CTNNA2: variants seen among roughly 807,000 people sequenced by gnomAD.
The protein encoded by CTNNA2 is catenin alpha-2.
CTNNA2 carries 42 observed loss-of-function variants against 101.0 expected under a neutral mutation model. The ratio of observed to expected loss-of-function variants is 0.42; its 90% confidence interval spans 0.32 to 0.54. CTNNA2 has a LOEUF of 0.54. CTNNA2 is among the 20% of genes least tolerant of loss of function. The pLI, the probability that CTNNA2 is intolerant of heterozygous loss-of-function variation, is 0.14. For synonymous variants in CTNNA2, 450 were observed against 456.4 expected, an observed-to-expected ratio of 0.99 and a Z score of 0.18; for missense variants, 871 against 1,223.1, an observed-to-expected ratio of 0.71 and a Z score of 4.29.
At chr2:80,288,283 A>G (rs1168185690) in intron 7 of CTNNA2, 2 of 152,222 alleles carry the variant, frequency 1.3e-5, no homozygotes, top group Non-Finnish European at 2.9e-5. Context: ...AGTAAATTTT[A>G]TGTCAAGATT....
At chr2:79,413,612 AT>A (rs1004788430) in intron 4 of CTNNA2, among the ~76,000 whole-genome samples, 1 of 151,964 alleles carries the variant, frequency 6.6e-6, no homozygotes, top group Non-Finnish European at 1.5e-5. Context: ...TAGTAGTTCT[AT>A]TTTTAATTTT....
At chr2:80,340,784 G>A (rs1573771330) in intron 7 of CTNNA2, among the ~76,000 whole-genome samples, 2 of 152,292 alleles carry the variant, frequency 1.3e-5, no homozygotes, top group Admixed American at 1.3e-4. Flanking sequence ...TCTACCTGGA[G>A]CTAGCATCAG....
intron 7 of CTNNA2, among the ~76,000 whole-genome samples, chr2:80,003,669 G>A (rs977497880): frequency 1.3e-4 from 20 of 152,186 alleles, no homozygotes; most frequent in Admixed American, 3.3e-4. Context: ...GCAAGGCCCA[G>A]TAAAAGGAGC....
At position 79,803,858 on chromosome 2, in the gene CTNNA2, C is replaced by A. The variant is rs115207086; in HGVS notation, c.299-54155C>A. Among the ~76,000 whole-genome samples the A allele has an allele frequency of 3.5e-3, 537 of 152,266 alleles. 1 individual carries two copies. The highest frequency in any genetic ancestry group is 0.012 in the African/African-American group (513 of 41,550). ...ACAACTTCAGATGCAAAAGAAAACA[C>A]TCTAGTAGGCTAAGTTAAAGAACCA... On this transcript the variant is annotated intron_variant, in intron 3 of 18. Transcript: ENST00000402739.
chr2:80,384,361 T>C (rs1384755635), intron 7 of CTNNA2, among the ~76,000 whole-genome samples: 1 of 151,904 alleles, frequency 6.6e-6, no homozygotes, highest in Non-Finnish European at 1.5e-5. Context: ...CACAAAATCC[T>C]TGTGACATGA....
chr2:79,194,032 T>A (rs1370306479), intron 1 of CTNNA2, among the ~76,000 whole-genome samples: 1 of 152,242 alleles, frequency 6.6e-6, no homozygotes, highest in Non-Finnish European at 1.5e-5. Flanking sequence ...TGAGTATTGT[T>A]TTATATATCA....
intron 2 of CTNNA2, among the ~76,000 whole-genome samples, chr2:79,298,446 A>G (rs1676032997): frequency 6.6e-6 from 1 of 152,140 alleles, no homozygotes; most frequent in Non-Finnish European, 1.5e-5. Context: ...ACAAGCATCC[A>G]AATTATACAT....
intron 4 of CTNNA2, among the ~76,000 whole-genome samples, chr2:79,424,757 GACA>G (rs1352008759): frequency 6.6e-6 from 1 of 152,086 alleles, no homozygotes; most frequent in Non-Finnish European, 1.5e-5. Flanking sequence ...TCTGATCCAT[GACA>G]ACGAGTGGGT....
At chr2:79,666,879 G>C (rs915113338) in intron 2 of CTNNA2, among the ~76,000 whole-genome samples, 11 of 152,160 alleles carry the variant, frequency 7.2e-5, no homozygotes, top group Non-Finnish European at 1.3e-4. Flanking sequence ...TCTTCTCCTG[G>C]AGACAGAATG....
intron 2 of CTNNA2, among the ~76,000 whole-genome samples, chr2:79,221,131 A>C (rs1674339602): frequency 9.7e-6 from 1 of 103,082 alleles, no homozygotes; most frequent in Non-Finnish European, 2.0e-5. Context: ...TAAGCTAAAA[A>C]AAATCTCAAA....
Position 80,443,002 on chromosome 2 carries a change from A to G in CTNNA2, c.1290+23401A>G, listed in dbSNP as rs561888083. On this transcript the variant is annotated intron_variant, in intron 9 of 18. Coordinates refer to ENST00000402739, the MANE Select transcript of CTNNA2 (RefSeq NM_001282597.3). ...GGCCTGCAATAAGGAACTGAAGCTC[A>G]TGCTTTTTCCTTCACCTTTTTAAAC... is the stretch of plus-strand genomic sequence containing the variant. Among the ~76,000 whole-genome samples, 4 of 152,338 alleles carry G rather than the reference A, an allele frequency of 2.6e-5. No individual in the cohort carries two copies. In the South Asian group the frequency reaches 6.2e-4, roughly 24 times the overall value.
intron 7 of CTNNA2, among the ~76,000 whole-genome samples, chr2:79,937,144 T>C (rs1172295416): frequency 1.3e-5 from 2 of 152,216 alleles, no homozygotes; most frequent in African/African-American, 4.8e-5. Flanking sequence ...TTTCTTGTCA[T>C]TTCTACTTAA....
chr2:80,462,379 G>A (rs1294722214), intron 9 of CTNNA2, among the ~76,000 whole-genome samples: 1 of 152,150 alleles, frequency 6.6e-6, no homozygotes, highest in Non-Finnish European at 1.5e-5. Context: ...AGCAAATAGA[G>A]TCTCTATCTA....
chr2:79,593,627 C>G (rs1677001307), intron 1 of CTNNA2, among the ~76,000 whole-genome samples: 1 of 152,100 alleles, frequency 6.6e-6, no homozygotes, highest in Non-Finnish European at 1.5e-5. Flanking sequence ...TCCTTCTTCT[C>G]TATTTGACTC....
chr2:79,620,871 C>T (rs924540365), intron 1 of CTNNA2, among the ~76,000 whole-genome samples: 1 of 152,156 alleles, frequency 6.6e-6, no homozygotes, highest in Middle Eastern at 3.2e-3. Context: ...TTATAAAAAG[C>T]TGACTAGAGC....
chr2:80,031,966 C>A (rs1036494930), intron 7 of CTNNA2, among the ~76,000 whole-genome samples: 2 of 152,166 alleles, frequency 1.3e-5, no homozygotes, highest in Admixed American at 1.3e-4. Flanking sequence ...GAAAATAATT[C>A]TTGAGAAATC....
At chr2:79,747,918 A>C (rs1196348162) in intron 3 of CTNNA2, among the ~76,000 whole-genome samples, 1 of 152,226 alleles carries the variant, frequency 6.6e-6, no homozygotes, top group Admixed American at 6.5e-5. Flanking sequence ...AATTCAAAGA[A>C]GCATTACTAT....
In CTNNA2 at chr2:80,302,737, G is replaced by T; in HGVS notation, c.1057-90474G>T. 6.2e-7 allele frequency: 1 copy of T among 1,613,170 alleles called. No individual in the cohort carries two copies. Among genetic ancestry groups the T allele is most frequent in the Non-Finnish European group, 8.5e-7 (1 of 1,179,920 alleles). ...TGGGCTCGGCCCCATCCTCGCACAG[G>T]TGGAAGGCGTACACGGCGTCCAGGA... is the stretch of plus-strand genomic sequence containing the variant. On this transcript the variant is annotated intron_variant, in intron 7 of 18. Transcript: ENST00000402739. This position sits in a 1 kb window ranked among gnomAD's most constrained non-coding sequence, Gnocchi z 6.4.
At chr2:80,539,049 C>T (rs1691297590) in intron 9 of CTNNA2, among the ~76,000 whole-genome samples, 1 of 152,086 alleles carries the variant, frequency 6.6e-6, no homozygotes, top group South Asian at 2.1e-4. Context: ...GATGCAGTTT[C>T]ACTCTGTTGC....
Sources: gnomAD v4.1 joint callset for allele counts (sites outside exome capture counted in the v4.1 genomes callset) on GRCh38, gnomAD v4.1.1 for gene constraint, Gnocchi (gnomAD v3.1) non-coding constraint, MANE v1.5 for transcripts, NCBI Gene and HGNC (gene_info 2026-07-23, HGNC 2026-07-21) for gene names.